The following SLIT2 variants were observed in gnomAD, a reference collection of about 807,000 sequenced individuals.
SLIT2 encodes slit homolog 2 protein.
SLIT2 carries 41 observed loss-of-function variants against 185.7 expected under a neutral mutation model. That is an observed-to-expected ratio of 0.22 (90% CI 0.17 to 0.29). The LOEUF is 0.29. Ranked by LOEUF, SLIT2 falls within the 10% of genes least tolerant of loss-of-function variation. The pLI is 1.00. For synonymous variants in SLIT2, 693 were observed against 680.2 expected (o/e 1.02, Z -0.29); for missense variants, 1,571 against 1,909.0 (o/e 0.82, Z 3.30).
intron 4 of SLIT2, among the ~76,000 whole-genome samples, chr4:20,372,296 C>T (rs1723651401): frequency 6.6e-6 from 1 of 151,024 alleles, no homozygotes; most frequent in Non-Finnish European, 1.5e-5. Context: ...AACATGGCTT[C>T]AAAACTAGTT....
chr4:20,310,293 G>C (rs772105357), intron 4 of SLIT2, among the ~76,000 whole-genome samples: 3 of 152,004 alleles, frequency 2.0e-5, no homozygotes, highest in African/African-American at 7.2e-5. Flanking sequence ...TTTACTATCT[G>C]TACAAACCTG....
intron 33 of SLIT2, among the ~76,000 whole-genome samples, chr4:20,599,556 T>C (rs538886340): frequency 1.2e-4 from 18 of 152,172 alleles, no homozygotes; most frequent in Non-Finnish European, 2.2e-4. Context: ...AAAGAAGTGG[T>C]TGTGACTGGA....
chr4:20,276,191 A>G (rs1262135817), intron 4 of SLIT2, among the ~76,000 whole-genome samples: 2 of 152,146 alleles, frequency 1.3e-5, no homozygotes, highest in Non-Finnish European at 2.9e-5. Flanking sequence ...ATAATGTTAC[A>G]TTATGAGACA....
In SLIT2 at chr4:20,254,058, A is replaced by T. The variant is rs552491682; in HGVS notation, c.179+64A>T. 109 of 1,514,914 alleles carry T rather than the reference A, an allele frequency of 7.2e-5. No individual in the cohort carries two copies. In the African/African-American group the frequency reaches 1.4e-3, roughly 19 times the overall value. 93.8% of individuals were successfully genotyped at this position (1,514,914 alleles called of 1,614,324 possible). ...GGCCGCGCACCCCTGCCTCCACTGG[A>T]GGAACCTGTCAGCTCAGGGTCCTGT... On this transcript the variant is annotated intron_variant, in intron 1 of 36. Coordinates refer to ENST00000504154, the MANE Select transcript of SLIT2 (RefSeq NM_004787.4). This position sits in a 1 kb window ranked among gnomAD's most constrained non-coding sequence, Gnocchi z 5.1.
At chr4:20,467,982 C>G (rs1057389218) in intron 5 of SLIT2, among the ~76,000 whole-genome samples, 159 bp downstream of exon 5, 4 of 152,118 alleles carry the variant, frequency 2.6e-5, no homozygotes, top group Admixed American at 2.6e-4. Context: ...ATTGTTTTCA[C>G]AAGCTGTTTG....
At chr4:20,479,672 C>T (rs1437585342) in intron 5 of SLIT2, among the ~76,000 whole-genome samples, 1 of 151,414 alleles carries the variant, frequency 6.6e-6, no homozygotes, top group Non-Finnish European at 1.5e-5. Flanking sequence ...TAGTACTTCA[C>T]TGTTAATTTC....
intron 8 of SLIT2, among the ~76,000 whole-genome samples, chr4:20,489,250 T>A (rs990124548): frequency 6.6e-6 from 1 of 152,194 alleles, no homozygotes; most frequent in African/African-American, 2.4e-5. Context: ...CGCTAAATGA[T>A]GATTCTACTT....
rs1157899972 is a variant in SLIT2, at chr4:20,253,032, A to G, written c.-784A>G. 6.6e-6 allele frequency among the ~76,000 whole-genome samples: 1 copy of G among 152,144 alleles called. No homozygotes were observed. The highest frequency in any genetic ancestry group is 1.5e-5 in the Non-Finnish European group (1 of 68,024). ...GTGACCTCGGGGCAGGTCCTGGTGC[A>G]GAGCGTCGCCAAGGACGCCGAGCGG... On this transcript the variant is annotated 5_prime_UTR_variant, in exon 1 of 37. Coordinates refer to ENST00000504154, the MANE Select transcript of SLIT2 (RefSeq NM_004787.4).
intron 4 of SLIT2, among the ~76,000 whole-genome samples, chr4:20,388,908 CATATAATATATATAAT>C (rs1304541780): frequency 7.3e-6 from 1 of 137,384 alleles, no homozygotes; most frequent in Non-Finnish European, 1.6e-5. Context: ...ATAATATATA[CATATAATATATATAAT>C]ATATAATATA....
intron 15 of SLIT2, among the ~76,000 whole-genome samples, chr4:20,525,472 T>C (rs1721206807): frequency 6.6e-6 from 1 of 152,122 alleles, no homozygotes; most frequent in African/African-American, 2.4e-5. Flanking sequence ...ACTTAAATCA[T>C]TTTCTCTCCT....
chr4:20,482,158 A>G (rs1716764978), intron 6 of SLIT2, among the ~76,000 whole-genome samples: 1 of 152,052 alleles, frequency 6.6e-6, no homozygotes, highest in Admixed American at 6.6e-5. Context: ...TAAAATTCAT[A>G]GATGAGGAGA....
intron 36 of SLIT2, 92 bp downstream of exon 36, chr4:20,617,742 A>C (rs1450912936): frequency 2.3e-6 from 2 of 857,106 alleles, no homozygotes; most frequent in African/African-American, 3.4e-5. Context: ...TGAAAAAAAA[A>C]AAAAAAACAG....
chr4:20,332,426 G>A (rs909975924), intron 4 of SLIT2, among the ~76,000 whole-genome samples: 1 of 152,084 alleles, frequency 6.6e-6, no homozygotes, highest in Non-Finnish European at 1.5e-5. Flanking sequence ...ACGAAATAAA[G>A]GGCCAGGTGC....
At position 20,518,255 on chromosome 4, in the gene SLIT2, ATTTT is replaced by A. The variant is rs1260071971; in HGVS notation, c.1059-1115_1059-1112del. Among the ~76,000 whole-genome samples, 790 of 87,486 alleles carry A rather than the reference ATTTT, an allele frequency of 9.0e-3. 12 individuals carry two copies. Among genetic ancestry groups the A allele is most frequent in the Middle Eastern group, 0.013 (2 of 152 alleles). 57.4% of individuals were successfully genotyped at this position (87,486 alleles called of 152,430 possible). On this transcript the variant is annotated intron_variant, in intron 11 of 36. Coordinates refer to ENST00000504154, the MANE Select transcript of SLIT2 (RefSeq NM_004787.4). The stretch of plus-strand genomic sequence containing the variant: ...TGTGTGTGTGTATATATATATATAT[ATTTT>A]TTTTTTTTTTTGAGACAGAGTCTCG...
chr4:20,377,900 A>G (rs1724167398), intron 4 of SLIT2, among the ~76,000 whole-genome samples: 1 of 152,184 alleles, frequency 6.6e-6, no homozygotes, highest in African/African-American at 2.4e-5. Flanking sequence ...TTGTACCATT[A>G]TTTTAAAAAT....
chr4:20,332,609 A>T (rs751450625), intron 4 of SLIT2, among the ~76,000 whole-genome samples: 2 of 151,938 alleles, frequency 1.3e-5, no homozygotes, highest in Non-Finnish European at 2.9e-5. Flanking sequence ...TTGAAACCTG[A>T]GTTGCAGTGA....
Position 20,436,434 on chromosome 4 carries a change from C to T in SLIT2, c.396-31318C>T, listed in dbSNP as rs150782005. 6.6e-4 allele frequency among the ~76,000 whole-genome samples: 100 copies of T among 152,290 alleles called. 1 individual carries two copies. The highest frequency in any genetic ancestry group is 8.7e-4 in the Non-Finnish European group (59 of 68,040). ...CCAGGCCATGTGTTTTCCGGAATTT[C>T]CTAGATTTGAGGATGCTCTAAATTT... is the stretch of plus-strand genomic sequence containing the variant. On this transcript the variant is annotated intron_variant, in intron 4 of 36. Coordinates refer to ENST00000504154, the MANE Select transcript of SLIT2 (RefSeq NM_004787.4).
intron 4 of SLIT2, among the ~76,000 whole-genome samples, chr4:20,399,815 C>G (rs548703653): frequency 1.3e-5 from 2 of 151,680 alleles, no homozygotes; most frequent in East Asian, 3.9e-4. Context: ...CTATAGTAAA[C>G]TGAGACCAAA....
At chr4:20,395,900 A>T (rs1339620096) in intron 4 of SLIT2, among the ~76,000 whole-genome samples, 1 of 151,954 alleles carries the variant, frequency 6.6e-6, no homozygotes, top group Non-Finnish European at 1.5e-5. Flanking sequence ...CATTTTTGAG[A>T]GACCTTAGAC....
Sources: gnomAD v4.1 joint callset for allele counts (sites outside exome capture counted in the v4.1 genomes callset) on GRCh38, gnomAD v4.1.1 for gene constraint, Gnocchi (gnomAD v3.1) non-coding constraint, MANE v1.5 for transcripts, NCBI Gene and HGNC (gene_info 2026-07-23, HGNC 2026-07-21) for gene names.